The following ADGRG1 variants were observed in gnomAD, a reference collection of about 807,000 sequenced individuals.
ADGRG1 encodes 7-transmembrane protein with no EGF-like N-terminal domains-1.
ADGRG1 carries 53 observed loss-of-function variants against 73.5 expected under a neutral mutation model. That is an observed-to-expected ratio of 0.72 (90% CI 0.58 to 0.91). The LOEUF (loss-of-function observed/expected upper bound fraction) is 0.91, where lower values mean the gene tolerates loss of function less well. Ranked by LOEUF, ADGRG1 falls within the 40% of genes least tolerant of loss-of-function variation. ADGRG1 has a pLI of 0.00. For missense variants in ADGRG1, 795 were observed against 871.8 expected (o/e 0.91, Z 1.11); for synonymous variants, 394 against 374.4 (o/e 1.05, Z -0.60).
intron 1 of ADGRG1, chr16:57,646,368 G>A: frequency 1.0e-6 from 1 of 984,634 alleles, no homozygotes; most frequent in Non-Finnish European, 1.2e-6. Context: ...GCTGGTGGTG[G>A]GGTGGGGGTC....
At chr16:57,622,858 A>G (rs1408893006), upstream of ADGRG1, 13 of 985,220 alleles carry the variant, frequency 1.3e-5, no homozygotes, top group African/African-American at 1.7e-5. Context: ...GCGGGGGTGG[A>G]CCTTGGAGGC....
intron 1 of ADGRG1, chr16:57,644,182 TC>T: frequency 1.0e-6 from 1 of 984,948 alleles, no homozygotes; most frequent in South Asian, 4.7e-5. Context: ...TGCTTTCTCC[TC>T]CTGGCCCCAT....
chr16:57,634,382 C>T (rs2038823836), intron 1 of ADGRG1: 1 of 985,408 alleles, frequency 1.0e-6, no homozygotes, highest in Non-Finnish European at 1.2e-6. Flanking sequence ...CTGCCCACTG[C>T]TCCTCTGCTG....
chr16:57,651,941 G>A (rs770564026), intron 3 of ADGRG1: 9 of 1,329,886 alleles, frequency 6.8e-6, no homozygotes, highest in Non-Finnish European at 8.7e-6. Context: ...GTCTGAATAG[G>A]GTGAGAGAGC....
chr16:57,642,527 C>G, intron 1 of ADGRG1: 1 of 979,458 alleles, frequency 1.0e-6, no homozygotes, highest in Non-Finnish European at 1.2e-6. Context: ...AAGGCTCTAC[C>G]TTCACGTTGG....
At chr16:57,653,155 G>A in intron 3 of ADGRG1, 48 bp from the exon 4 acceptor site, 3 of 1,600,750 alleles carry the variant, frequency 1.9e-6, no homozygotes, top group Non-Finnish European at 2.5e-6. Context: ...GAGGGTCCTG[G>A]GACCTGAATC....
intron 2 of ADGRG1, among the ~76,000 whole-genome samples, chr16:57,622,372 G>A (rs371965629): frequency 6.1e-4 from 93 of 152,278 alleles, no homozygotes; most frequent in African/African-American, 2.1e-3. Context: ...CCCCCCAACC[G>A]CTGGGGCTCC....
intron 7 of ADGRG1, 103 bp downstream of exon 7, chr16:57,656,095 C>T (rs1343184627): frequency 1.2e-6 from 2 of 1,613,242 alleles, no homozygotes; most frequent in African/African-American, 2.7e-5. Flanking sequence ...AAACGATTGC[C>T]TGATCGAGCA....
At chr16:57,649,493 G>A (rs2043490141) in intron 1 of ADGRG1, among the ~76,000 whole-genome samples, 1 of 152,126 alleles carries the variant, frequency 6.6e-6, no homozygotes, top group African/African-American at 2.4e-5. Context: ...GCTTCCTGGA[G>A]GAGGTGTCCT....
intron 1 of ADGRG1, chr16:57,642,779 G>A (rs1182624803): frequency 2.4e-5 from 7 of 296,396 alleles, no homozygotes; most frequent in Middle Eastern, 1.7e-3. Flanking sequence ...GAGGTTAGGC[G>A]GACCTGAGTT....
In ADGRG1 at chr16:57,648,366, T is replaced by G. The variant is rs1296044390; in HGVS notation, c.-35-1887T>G. Reference sequence around the variant, plus strand: ...AATCACAACCTGGGAAATGGTGCCCTTCCCTAAAACACTTTCACATCCTTC... The same window carrying G: ...AATCACAACCTGGGAAATGGTGCCCGTCCCTAAAACACTTTCACATCCTTC... On this transcript the variant is annotated intron_variant, in intron 1 of 13. Coordinates refer to ENST00000562631, the MANE Select transcript of ADGRG1 (RefSeq NM_201525.4). 15 of 719,580 alleles carry G rather than the reference T, an allele frequency of 2.1e-5. No individual in the cohort carries two copies. In the Admixed American group the frequency reaches 2.5e-4, roughly 12 times the overall value. 44.6% of individuals were successfully genotyped at this position (719,580 alleles called of 1,614,324 possible). A position where few individuals can be genotyped will look rare whatever the true frequency, so the allele number is the denominator to read the frequency against.
intron 5 of ADGRG1, chr16:57,655,028 C>T (rs2045316130): frequency 1.0e-6 from 1 of 982,878 alleles, no homozygotes; most frequent in South Asian, 4.7e-5. Context: ...CCACACACCC[C>T]ATCTTGAGAC....
intron 12 of ADGRG1, 162 bp from the exon 13 acceptor site, chr16:57,661,535 G>A (rs2047091001): frequency 1.0e-6 from 1 of 984,374 alleles, no homozygotes; most frequent in Non-Finnish European, 1.2e-6. Flanking sequence ...AATCTGACTT[G>A]TTAACTCAAA....
Position 57,651,307 on chromosome 16 carries a change from A to T in ADGRG1, c.172A>T (p.Ile58Phe). The T allele has an allele frequency of 6.2e-7, 1 of 1,613,458 alleles. No individual in the cohort carries two copies. The highest frequency in any genetic ancestry group is 8.5e-7 in the Non-Finnish European group (1 of 1,179,494). ...ACCCACACCAGACCTGCGCATCTCC[A>T]TCGAGAACTCCGAAGAGGCCCTCAC... ...YKPTPDLRIS[I>F]ENSEEALTVH... The change falls in exon 3 of 14, where the codon ATC (isoleucine) becomes TTC (phenylalanine). Residue 58 changes from isoleucine to phenylalanine, a missense_variant. By Grantham distance (21) the Ile-to-Phe change is conservative (BLOSUM62 0). Transcript: ENST00000562631.
chr16:57,625,755 C>G, upstream of ADGRG1: 1 of 640,894 alleles, frequency 1.6e-6, no homozygotes, highest in Non-Finnish European at 1.9e-6. Flanking sequence ...TCTGGCTCCC[C>G]AGTACCTTTG....
chr16:57,637,253 G>A (rs1402111089), intron 1 of ADGRG1: 2 of 943,384 alleles, frequency 2.1e-6, no homozygotes, highest in African/African-American at 1.8e-5. Flanking sequence ...CCCCGACCCT[G>A]GTCGGGAATG....
At chr16:57,643,709 GAA>G (rs1367585607) in intron 1 of ADGRG1, 12 of 985,138 alleles carry the variant, frequency 1.2e-5, no homozygotes, top group African/African-American at 1.7e-5. Context: ...CCTGAAAACT[GAA>G]GTCACTCTGC....
chr16:57,635,506 G>T (rs749253315), intron 1 of ADGRG1: 31 of 985,320 alleles, frequency 3.1e-5, no homozygotes, highest in Non-Finnish European at 3.7e-5. Flanking sequence ...GTGGTGGCAT[G>T]CCCCAGGGTC....
At chr16:57,630,318 T>C in intron 1 of ADGRG1, 2 of 975,836 alleles carry the variant, frequency 2.0e-6, no homozygotes, top group Non-Finnish European at 2.4e-6. Flanking sequence ...TGTTGGGCTC[T>C]TTCCTGCCAA....
Sources: allele counts gnomAD v4.1 joint callset (sites outside exome capture counted in the v4.1 genomes callset), GRCh38; gene constraint gnomAD v4.1.1; transcripts MANE v1.5; gene names NCBI Gene and HGNC (gene_info 2026-07-23, HGNC 2026-07-21).